Variants in KDM1B observed in about 807,000 individuals in gnomAD.
KDM1B encodes the protein lysine-specific histone demethylase 2.
KDM1B carries 63 observed loss-of-function variants against 107.4 expected under a neutral mutation model. The observed-to-expected ratio is 0.59, with a 90% CI of 0.48 to 0.72. KDM1B has a LOEUF of 0.72. Among genes scored for constraint, KDM1B ranks in the 30% least tolerant of loss-of-function variants. The pLI, the probability that KDM1B is intolerant of heterozygous loss-of-function variation, is 0.00. For missense variants in KDM1B, 749 were observed against 1,020.8 expected (o/e 0.73, Z 3.63); for synonymous variants, 363 against 363.9 (o/e 1.00, Z 0.03).
intron 3 of KDM1B, among the ~76,000 whole-genome samples, chr6:18,160,310 G>C (rs1784888635): frequency 6.6e-6 from 1 of 152,178 alleles, no homozygotes; most frequent in African/African-American, 2.4e-5. Flanking sequence ...TAGGAATTTG[G>C]ACTTCAGCTT....
chr6:18,189,305 T>G (rs1452485240), intron 9 of KDM1B, among the ~76,000 whole-genome samples: 1 of 152,256 alleles, frequency 6.6e-6, no homozygotes, highest in East Asian at 1.9e-4. Flanking sequence ...AAGTGGTAAT[T>G]CCCAGGGTTA....
chr6:18,215,017 G>A lies in KDM1B; in HGVS notation c.2120G>A (p.Ser707Asn), dbSNP rs773950850. Residue 707 changes from serine (S) to asparagine (N), a missense_variant, in exon 20 of 22, where the codon AGC becomes AAC. By Grantham distance (46) the Ser-to-Asn change is conservative. Transcript: ENST00000650836. ...FYDMDPQKKH[S>N]VLMSVIAGEA... ...CTTTCATGTCTCCAGAAGAAGCACAGCGTGCTGATGTCTGTGATTGCCGGG... is the reference window on the plus strand; with the variant it reads ...CTTTCATGTCTCCAGAAGAAGCACAACGTGCTGATGTCTGTGATTGCCGGG... 1 of 1,613,972 alleles carries A rather than the reference G, an allele frequency of 6.2e-7. No individual in the cohort carries two copies. The highest frequency in any genetic ancestry group is 8.5e-7 in the Non-Finnish European group (1 of 1,179,916).
chr6:18,164,689 G>A (rs1018561581), intron 5 of KDM1B, among the ~76,000 whole-genome samples: 1 of 151,808 alleles, frequency 6.6e-6, no homozygotes, highest in African/African-American at 2.4e-5. Context: ...ACAGGGTCTT[G>A]CTCTGGAGTG....
At chr6:18,196,641 A>G (rs1787671421) in intron 10 of KDM1B, among the ~76,000 whole-genome samples, 1 of 152,132 alleles carries the variant, frequency 6.6e-6, no homozygotes, top group Admixed American at 6.6e-5. Context: ...ATATTTGGGA[A>G]AAAAAATGGA....
chr6:18,185,221 C>T (rs1786775423), intron 7 of KDM1B, among the ~76,000 whole-genome samples: 1 of 151,970 alleles, frequency 6.6e-6, no homozygotes, highest in African/African-American at 2.4e-5. Flanking sequence ...TATTTTGTCA[C>T]CGCCCTTCGT....
Position 18,200,642 on chromosome 6 carries a change from C to A in KDM1B, c.1359+66C>A. 1 of 1,506,056 alleles carries A rather than the reference C, an allele frequency of 6.6e-7. No individual in the cohort carries two copies. The highest frequency in any genetic ancestry group is 9.0e-7 in the Non-Finnish European group (1 of 1,105,706). The allele number at this position is 1,506,056 out of a possible 1,614,324, so 93.3% of individuals were successfully genotyped here. A position where few individuals can be genotyped will look rare whatever the true frequency, so the allele number is the denominator to read the frequency against. ...AAAACAGTTTCAATTTGCTTGTGTGCAGTATTAATATGCTTCTAAAGTAAA... is the reference window on the plus strand; with the variant it reads ...AAAACAGTTTCAATTTGCTTGTGTGAAGTATTAATATGCTTCTAAAGTAAA... On this transcript the variant is annotated intron_variant, in intron 13 of 21. Coordinates refer to ENST00000650836, the MANE Select transcript of KDM1B (RefSeq NM_001364614.2). This position sits in a 1 kb window ranked among gnomAD's most constrained non-coding sequence, Gnocchi z 4.3.
At chr6:18,187,557 C>T (rs1786954124) in intron 8 of KDM1B, among the ~76,000 whole-genome samples, 1 of 152,036 alleles carries the variant, frequency 6.6e-6, no homozygotes, top group African/African-American at 2.4e-5. Context: ...GAGGCTGTTG[C>T]CATATGTCAG....
At position 18,205,442 on chromosome 6, in the gene KDM1B, G is replaced by C. The variant is rs908342993; in HGVS notation, c.1532-95G>C. 5 of 1,214,830 alleles carry C rather than the reference G, an allele frequency of 4.1e-6. No homozygotes were observed. The African/African-American group carries it at 7.8e-5, about 19-fold the overall frequency. 75.3% of individuals were successfully genotyped at this position (1,214,830 alleles called of 1,614,324 possible). A position where few individuals can be genotyped will look rare whatever the true frequency, so the allele number is the denominator to read the frequency against. On this transcript the variant is annotated intron_variant, in intron 14 of 21. Coordinates refer to ENST00000650836, the MANE Select transcript of KDM1B (RefSeq NM_001364614.2). This position sits in a 1 kb window ranked among gnomAD's most constrained non-coding sequence, Gnocchi z 5.7. ...TGGGAAAAGACTTTGGAAGTTTTGG[G>C]TGTTGCTGGGTGACAGAGGTTGAAA...
chr6:18,207,354 C>T (rs961635857), intron 15 of KDM1B, 44 bp from the exon 16 acceptor site: 1 of 1,601,504 alleles, frequency 6.2e-7, no homozygotes, highest in Non-Finnish European at 8.5e-7. Flanking sequence ...GGCACAGGCA[C>T]AAGGATTTAC....
At chr6:18,166,847 C>T (rs1308506962) in intron 6 of KDM1B, among the ~76,000 whole-genome samples, 1 of 148,980 alleles carries the variant, frequency 6.7e-6, no homozygotes, top group Non-Finnish European at 1.5e-5. Context: ...GAGTGAGAGG[C>T]TGTCTCAAAA....
Position 18,205,660 on chromosome 6 carries a change from A to G in KDM1B, c.1655A>G (p.His552Arg). ...GAGTACGCCTGTGGCAGCAACCTTC[A>G]CCAGGTGCGCTTGGGTTTTGTGAAA... ...NLEYACGSNLHQVSARSWDHN... is the reference protein window; with the variant it reads ...NLEYACGSNLRQVSARSWDHN... The change falls in exon 15 of 22, where the codon CAC becomes CGC. Residue 552 changes from histidine to arginine, a missense_variant. Coordinates refer to ENST00000650836, the MANE Select transcript of KDM1B (RefSeq NM_001364614.2). The surrounding 1 kb of genome is among the most constrained non-coding windows in gnomAD (Gnocchi z 5.7). 2 of 1,510,666 alleles carry G rather than the reference A, an allele frequency of 1.3e-6. No individual in the cohort carries two copies. Among genetic ancestry groups the G allele is most frequent in the South Asian group, 2.5e-5 (2 of 78,892 alleles). The allele number at this position is 1,510,666 out of a possible 1,614,324, so 93.6% of individuals were successfully genotyped here.
chr6:18,180,975 G>A (rs892941537), intron 7 of KDM1B, among the ~76,000 whole-genome samples: 17 of 152,186 alleles, frequency 1.1e-4, no homozygotes, highest in Non-Finnish European at 2.1e-4. Context: ...GGACAACTTT[G>A]ACTTTACTAA....
intron 7 of KDM1B, among the ~76,000 whole-genome samples, chr6:18,176,636 C>T (rs149242972): frequency 1.1e-4 from 17 of 152,208 alleles, no homozygotes; most frequent in African/African-American, 3.9e-4. Flanking sequence ...CCCTTGTATG[C>T]CGATTTTGCT....
chr6:18,204,378 G>A lies in KDM1B; in HGVS notation c.1532-1159G>A, dbSNP rs1788234662. Among the ~76,000 whole-genome samples, 1 of 152,142 alleles carries A rather than the reference G, an allele frequency of 6.6e-6. No homozygotes were observed. Among genetic ancestry groups the A allele is most frequent in the African/African-American group, 2.4e-5 (1 of 41,412 alleles). The stretch of plus-strand genomic sequence containing the variant: ...GGGCGCCTGTAGTCCCAGCTACTTG[G>A]GAGGCCGATTGCTGGAGCCCCGGAA... On this transcript the variant is annotated intron_variant, in intron 14 of 21. Transcript: ENST00000650836. The surrounding 1 kb of genome is among the most constrained non-coding windows in gnomAD (Gnocchi z 4.9).
Position 18,166,381 on chromosome 6 carries a change from A to G in KDM1B, c.417+3A>G, listed in dbSNP as rs758306290. The G allele has an allele frequency of 1.9e-6, 3 of 1,546,428 alleles. No homozygotes were observed. The highest frequency in any genetic ancestry group is 1.7e-5 in the Admixed American group (1 of 59,830). On this transcript the variant is annotated splice_donor_region_variant and intron_variant, in intron 6 of 21. Coordinates refer to ENST00000650836, the MANE Select transcript of KDM1B (RefSeq NM_001364614.2). ...CAGACCAGCAACTCCCCTACTGGGT[A>G]AGGAGAGTGATGCTCTCTGTCTGTG...
At chr6:18,207,755 G>A (rs1788488376) in intron 16 of KDM1B, among the ~76,000 whole-genome samples, 1 of 152,146 alleles carries the variant, frequency 6.6e-6, no homozygotes, top group South Asian at 2.1e-4. Flanking sequence ...TTAAGAAGAA[G>A]GTATTCAAAT....
At chr6:18,215,909 C>G (rs532539424) in intron 20 of KDM1B, among the ~76,000 whole-genome samples, 4 of 152,098 alleles carry the variant, frequency 2.6e-5, no homozygotes, top group African/African-American at 4.8e-5. Context: ...CCACGGAGCT[C>G]AGGATACTTT....
intron 7 of KDM1B, among the ~76,000 whole-genome samples, chr6:18,175,207 G>A (rs748985045): frequency 2.0e-5 from 3 of 152,204 alleles, no homozygotes; most frequent in Non-Finnish European, 2.9e-5. Flanking sequence ...GTATCACATT[G>A]TGGTTTCGAC....
Position 18,203,529 on chromosome 6 carries a change from A to G in KDM1B, c.1531+1872A>G, listed in dbSNP as rs1788177003. ...AGATTTCATTTCAGAAAGCATGTGC[A>G]CTAAAGCTGTTTTAAATATTATTTA... is the stretch of plus-strand genomic sequence containing the variant. On this transcript the variant is annotated intron_variant, in intron 14 of 21. Coordinates refer to ENST00000650836, the MANE Select transcript of KDM1B (RefSeq NM_001364614.2). The surrounding 1 kb of genome is among the most constrained non-coding windows in gnomAD (Gnocchi z 5.5). Among the ~76,000 whole-genome samples, 2 of 152,188 alleles carry G rather than the reference A, an allele frequency of 1.3e-5. No homozygotes were observed. Among genetic ancestry groups the G allele is most frequent in the African/African-American group, 4.8e-5 (2 of 41,442 alleles).
Sources: allele counts gnomAD v4.1 joint callset (sites outside exome capture counted in the v4.1 genomes callset), GRCh38; gene constraint gnomAD v4.1.1; non-coding constraint Gnocchi (gnomAD v3.1); transcripts MANE v1.5; gene names NCBI Gene and HGNC (gene_info 2026-07-23, HGNC 2026-07-21).